Variants in LMNA observed in about 807,000 individuals in gnomAD.
The protein encoded by LMNA is lamin A/C, also known as lamin.
A neutral mutation model predicts 70.4 loss-of-function variants in LMNA; 20 were observed. The observed-to-expected ratio is 0.28, with a 90% CI of 0.20 to 0.41. The LOEUF (loss-of-function observed/expected upper bound fraction) is 0.41. LMNA is among the 10% of genes least tolerant of loss of function. LMNA has a pLI of 1.00. For synonymous variants in LMNA, 339 were observed against 372.8 expected, an observed-to-expected ratio of 0.91 and a Z score of 1.04; for missense variants, 652 against 917.2, an observed-to-expected ratio of 0.71 and a Z score of 3.73.
In LMNA at chr1:156,138,828, G is replaced by A. The variant is rs1297963044; in HGVS notation, c.1968+71G>A. 9.0e-5 allele frequency: 144 copies of A among 1,592,448 alleles called. No homozygotes were observed. The highest frequency in any genetic ancestry group is 9.8e-5 in the Non-Finnish European group (114 of 1,164,122). On this transcript the variant is annotated intron_variant, in intron 11 of 11. Coordinates refer to ENST00000368300, the MANE Select transcript of LMNA (RefSeq NM_170707.4). This position sits in a 1 kb window ranked among gnomAD's most constrained non-coding sequence, Gnocchi z 5.5. Reference sequence around the variant, plus strand: ...GGTCATCGAGGGGTAGGACGAGGTGGCCTTGCAGGGGGGAGAGCCTGCCTT... The same window carrying A: ...GGTCATCGAGGGGTAGGACGAGGTGACCTTGCAGGGGGGAGAGCCTGCCTT...
At chr1:156,126,587 T>G in intron 1 of LMNA, 1 of 848,360 alleles carries the variant, frequency 1.2e-6, no homozygotes, top group Non-Finnish European at 2.0e-6. Context: ...CTGCTGCAGC[T>G]GGGGAGCCGG....
At chr1:156,125,067 T>C (rs1650462230) in intron 1 of LMNA, among the ~76,000 whole-genome samples, 1 of 152,128 alleles carries the variant, frequency 6.6e-6, no homozygotes. Context: ...TGTAAAAGTA[T>C]AGGAGTTGGT....
intron 1 of LMNA, chr1:156,126,453 T>C: frequency 1.6e-6 from 1 of 619,480 alleles, no homozygotes; most frequent in South Asian, 1.9e-5. Flanking sequence ...GGCTTCCATA[T>C]CTGGCATCAG....
chr1:156,085,546 CA>C (rs1208095455), intron 2 of LMNA, among the ~76,000 whole-genome samples: 2 of 152,204 alleles, frequency 1.3e-5, no homozygotes, highest in African/African-American at 4.8e-5. Context: ...TCATCTTCAT[CA>C]TGGTCCCCAA....
intron 3 of LMNA, among the ~76,000 whole-genome samples, chr1:156,099,483 A>G (rs751267246): frequency 6.6e-6 from 1 of 152,150 alleles, no homozygotes; most frequent in East Asian, 1.9e-4. Flanking sequence ...TGGAACTGAT[A>G]ATAAAAGTTC....
At chr1:156,124,512 C>T (rs11264440) in intron 1 of LMNA, among the ~76,000 whole-genome samples, 2,532 of 152,262 alleles carry the variant, frequency 0.017, 75 homozygotes, top group African/African-American at 0.058. Flanking sequence ...TGGTCTCAAA[C>T]TCCTGACCTC....
Position 156,139,713 on chromosome 1 carries a change from G to T in LMNA, c.*607G>T. On this transcript the variant is annotated 3_prime_UTR_variant, in exon 12 of 12. Transcript: ENST00000368300. ...AGTCCCCACCCCTGCCCCCAGCCCC[G>T]GGGTGAGTCCATTCTCCCAGGTACC... 1 of 1,304,570 alleles carries T rather than the reference G, an allele frequency of 7.7e-7. No individual in the cohort carries two copies. The highest frequency in any genetic ancestry group is 4.2e-5 in the East Asian group (1 of 23,904). 80.8% of individuals were successfully genotyped at this position (1,304,570 alleles called of 1,614,324 possible). A position where few individuals can be genotyped will look rare whatever the true frequency, so the allele number is the denominator to read the frequency against.
upstream of LMNA, among the ~76,000 whole-genome samples, chr1:156,110,995 G>A (rs1405619163): frequency 3.9e-5 from 6 of 151,936 alleles, no homozygotes; most frequent in Non-Finnish European, 7.4e-5. Context: ...TAGAAACACC[G>A]AGTGCCTGCT....
chr1:156,105,857 G>T (rs1263821246), intron 3 of LMNA, among the ~76,000 whole-genome samples: 2 of 152,076 alleles, frequency 1.3e-5, no homozygotes, highest in Non-Finnish European at 2.9e-5. Flanking sequence ...GGTGGCTCAC[G>T]CCTGTAATCC....
intron 1 of LMNA, among the ~76,000 whole-genome samples, chr1:156,117,282 TGGA>T (rs1164002293): frequency 6.6e-6 from 1 of 151,694 alleles, no homozygotes; most frequent in African/African-American, 2.4e-5. Context: ...TTGCCCAGGC[TGGA>T]GTACAGTAGT....
chr1:156,103,438 C>T lies in LMNA; in HGVS notation c.-206-11275C>T, dbSNP rs1572323223. ...CCTCTGTCTGGGACTCCTCTAACAG[C>T]TGTGGGGAGGGTGCCAGGATCCCCA... On this transcript the variant is annotated intron_variant, in intron 3 of 12. Transcript: ENST00000368301. The surrounding 1 kb of genome is among the most constrained non-coding windows in gnomAD (Gnocchi z 4.7). Among the ~76,000 whole-genome samples the T allele has an allele frequency of 1.3e-5, 2 of 152,130 alleles. No individual in the cohort carries two copies. Among genetic ancestry groups the T allele is most frequent in the East Asian group, 3.9e-4 (2 of 5,192 alleles).
intron 1 of LMNA, among the ~76,000 whole-genome samples, chr1:156,122,000 A>G (rs1268359367): frequency 6.6e-6 from 1 of 152,128 alleles, no homozygotes; most frequent in African/African-American, 2.4e-5. Flanking sequence ...TACTAAAAAT[A>G]CAAAAATTAA....
chr1:156,106,134 CAA>C (rs55841698), intron 3 of LMNA, among the ~76,000 whole-genome samples: 2 of 135,672 alleles, frequency 1.5e-5, no homozygotes, highest in African/African-American at 2.7e-5. Context: ...GACTCCGTCT[CAA>C]AAAAAAAAAA....
At chr1:156,108,682 C>T (rs1254010657) in intron 3 of LMNA, among the ~76,000 whole-genome samples, 1 of 151,950 alleles carries the variant, frequency 6.6e-6, no homozygotes, top group Admixed American at 6.6e-5. Context: ...AGGAGAATCG[C>T]TTGAATTCAG....
chr1:156,128,231 T>C (rs2102857633), intron 1 of LMNA, among the ~76,000 whole-genome samples: 1 of 152,268 alleles, frequency 6.6e-6, no homozygotes, highest in South Asian at 2.1e-4. Flanking sequence ...TATTATATTA[T>C]TATTATCACT....
chr1:156,119,322 T>G (rs1650041482), intron 1 of LMNA, among the ~76,000 whole-genome samples: 1 of 152,226 alleles, frequency 6.6e-6, no homozygotes, highest in Non-Finnish European at 1.5e-5. Flanking sequence ...TTCACCATGT[T>G]GGCCAGGATG....
chr1:156,135,448 A>C lies in LMNA; in HGVS notation c.936+136A>C. The C allele has an allele frequency of 8.7e-7, 1 of 1,146,786 alleles. No individual in the cohort carries two copies. Among genetic ancestry groups the C allele is most frequent in the Non-Finnish European group, 1.3e-6 (1 of 792,756 alleles). 71.0% of individuals were successfully genotyped at this position (1,146,786 alleles called of 1,614,324 possible). On this transcript the variant is annotated intron_variant, in intron 5 of 11. Coordinates refer to ENST00000368300, the MANE Select transcript of LMNA (RefSeq NM_170707.4). The surrounding 1 kb of genome is among the most constrained non-coding windows in gnomAD (Gnocchi z 4.8). ...AGGGATGAAAAGTGTCCCCACAACC[A>C]CAGAGAAGGGTCGCAGGATGTGGAG...
At chr1:156,104,317 C>T (rs930726712) in intron 3 of LMNA, among the ~76,000 whole-genome samples, 1 of 152,174 alleles carries the variant, frequency 6.6e-6, no homozygotes, top group Non-Finnish European at 1.5e-5. Context: ...CCTCCCTCCT[C>T]CTTCCTCCTT....
At chr1:156,127,056 G>A (rs1572347715) in intron 1 of LMNA, 5 of 809,720 alleles carry the variant, frequency 6.2e-6, no homozygotes, top group East Asian at 2.7e-5. Flanking sequence ...GCACGGGGAC[G>A]GCACTCAGCG....
Sources: allele counts gnomAD v4.1 joint callset (sites outside exome capture counted in the v4.1 genomes callset), GRCh38; gene constraint gnomAD v4.1.1; non-coding constraint Gnocchi (gnomAD v3.1); transcripts MANE v1.5; gene names NCBI Gene and HGNC (gene_info 2026-07-23, HGNC 2026-07-21).